TMEM132D: variants seen among roughly 807,000 people sequenced by gnomAD.
The protein encoded by TMEM132D is mature OL transmembrane protein.
A neutral mutation model predicts 62.3 loss-of-function variants in TMEM132D; 21 were observed. That is an observed-to-expected ratio of 0.34 (90% CI 0.24 to 0.49). TMEM132D has a LOEUF of 0.49. Among genes scored for constraint, TMEM132D ranks in the 20% least tolerant of loss-of-function variants. The pLI, the probability that TMEM132D is intolerant of heterozygous loss-of-function variation, is 0.99. For missense variants in TMEM132D, 1,346 were observed against 1,402.8 expected, an observed-to-expected ratio of 0.96 and a Z score of 0.65; for synonymous variants, 621 against 575.6, an observed-to-expected ratio of 1.08 and a Z score of -1.13.
At chr12:129,603,368 CA>C (rs1348919888) in intron 2 of TMEM132D, among the ~76,000 whole-genome samples, 2 of 152,176 alleles carry the variant, frequency 1.3e-5, no homozygotes, top group Non-Finnish European at 2.9e-5. Context: ...TTGTCTTTTG[CA>C]AAATGTTCTA....
intron 2 of TMEM132D, among the ~76,000 whole-genome samples, chr12:129,678,056 T>G (rs1416677131): frequency 6.6e-6 from 1 of 152,200 alleles, no homozygotes; most frequent in African/African-American, 2.4e-5. Flanking sequence ...TGTCAAAATT[T>G]ATTTATCCAG....
chr12:129,081,030 G>T (rs1376721649), intron 7 of TMEM132D, among the ~76,000 whole-genome samples: 1 of 152,160 alleles, frequency 6.6e-6, no homozygotes, highest in Non-Finnish European at 1.5e-5. Context: ...CTCGGTAGGG[G>T]CGGCCACAAT....
intron 3 of TMEM132D, among the ~76,000 whole-genome samples, chr12:129,460,080 G>T (rs1363805102): frequency 1.3e-5 from 2 of 152,174 alleles, no homozygotes; most frequent in Non-Finnish European, 2.9e-5. Context: ...TTTGGCAGCA[G>T]ACAGAGCCAC....
intron 1 of TMEM132D, among the ~76,000 whole-genome samples, chr12:129,881,775 T>C (rs1190402012): frequency 6.6e-6 from 1 of 151,280 alleles, no homozygotes; most frequent in Non-Finnish European, 1.5e-5. Context: ...AAAGAAAAAA[T>C]AGTATTAGAG....
intron 4 of TMEM132D, among the ~76,000 whole-genome samples, chr12:129,237,547 T>G (rs1879818618): frequency 6.6e-6 from 1 of 152,196 alleles, no homozygotes; most frequent in African/African-American, 2.4e-5. Context: ...TTTCCCAGAT[T>G]TCTTTCTGTT....
At chr12:129,587,091 C>T (rs1045265671) in intron 2 of TMEM132D, among the ~76,000 whole-genome samples, 4 of 152,078 alleles carry the variant, frequency 2.6e-5, no homozygotes, top group African/African-American at 7.2e-5. Flanking sequence ...TAGAGCAAAA[C>T]ATATCACTAC....
At chr12:129,751,693 C>G (rs1168564803) in intron 1 of TMEM132D, among the ~76,000 whole-genome samples, 1 of 152,210 alleles carries the variant, frequency 6.6e-6, no homozygotes, top group African/African-American at 2.4e-5. Context: ...CAAAGAAGTG[C>G]ATTTTTTTGG....
chr12:129,508,844 C>T (rs2137072558), intron 3 of TMEM132D, among the ~76,000 whole-genome samples: 1 of 152,220 alleles, frequency 6.6e-6, no homozygotes, highest in South Asian at 2.1e-4. Flanking sequence ...ATTTCTCCTA[C>T]GTAGGGAACT....
At chr12:129,302,833 C>T (rs139148363) in intron 4 of TMEM132D, among the ~76,000 whole-genome samples, 2,351 of 152,158 alleles carry the variant, frequency 0.015, 32 homozygotes, top group Middle Eastern at 0.051. Flanking sequence ...AGCCTCCACC[C>T]ATGTGAGACC....
At chr12:129,516,345 C>T (rs1014395584) in intron 3 of TMEM132D, among the ~76,000 whole-genome samples, 3 of 152,192 alleles carry the variant, frequency 2.0e-5, no homozygotes, top group African/African-American at 7.2e-5. Flanking sequence ...ATGTATTAGT[C>T]TGTTTTCATG....
In TMEM132D at chr12:129,385,085, C is replaced by CTT. The variant is rs869098367; in HGVS notation, c.1116-47270_1116-47269dup. 8.5e-3 allele frequency among the ~76,000 whole-genome samples: 738 copies of CTT among 86,880 alleles called. 82 individuals are homozygous for CTT. The highest frequency in any genetic ancestry group is 0.033 in the African/African-American group (702 of 20,970). The allele number at this position is 86,880 out of a possible 152,430, so 57.0% of individuals were successfully genotyped here. A position where few individuals can be genotyped will look rare whatever the true frequency, so the allele number is the denominator to read the frequency against. The stretch of plus-strand genomic sequence containing the variant: ...ATGAGCATTTTACACTGTTAAAGTT[C>CTT]TTTTTTTTTTTTTTTTTTTTTTTTT... On this transcript the variant is annotated intron_variant, in intron 3 of 8. Transcript: ENST00000422113.
At chr12:129,501,871 G>C (rs961267115) in intron 3 of TMEM132D, among the ~76,000 whole-genome samples, 7 of 152,060 alleles carry the variant, frequency 4.6e-5, no homozygotes, top group African/African-American at 1.7e-4. Context: ...TCACTATCTT[G>C]GGTGTCATCA....
intron 5 of TMEM132D, among the ~76,000 whole-genome samples, chr12:129,191,033 C>A (rs775130640): frequency 6.6e-6 from 1 of 152,076 alleles, no homozygotes; most frequent in Non-Finnish European, 1.5e-5. Flanking sequence ...ACGCCCCCTC[C>A]GGGTCACTGC....
chr12:129,238,420 C>T, intron 4 of TMEM132D, among the ~76,000 whole-genome samples: 1 of 152,136 alleles, frequency 6.6e-6, no homozygotes, highest in East Asian at 1.9e-4. Flanking sequence ...GTTGTGTAAC[C>T]TATCTTTAGA....
At chr12:129,628,423 C>G (rs1879275354) in intron 2 of TMEM132D, among the ~76,000 whole-genome samples, 1 of 152,178 alleles carries the variant, frequency 6.6e-6, no homozygotes, top group Non-Finnish European at 1.5e-5. Flanking sequence ...GATGTCTCGG[C>G]AGGGGCGGAG....
chr12:129,523,439 A>G (rs1566097493), intron 3 of TMEM132D, among the ~76,000 whole-genome samples: 1 of 152,192 alleles, frequency 6.6e-6, no homozygotes, highest in South Asian at 2.1e-4. Context: ...CTATTAGGTT[A>G]TTATTTATGC....
At chr12:129,297,826 C>T (rs577205320) in intron 4 of TMEM132D, among the ~76,000 whole-genome samples, 7 of 152,264 alleles carry the variant, frequency 4.6e-5, no homozygotes, top group African/African-American at 1.7e-4. Context: ...GCTGGGGACG[C>T]TGCTCTCCCC....
chr12:129,474,499 G>A (rs80300651), intron 3 of TMEM132D, among the ~76,000 whole-genome samples: 1,813 of 152,246 alleles, frequency 0.012, 33 homozygotes, highest in African/African-American at 0.04. Flanking sequence ...TCACAACATC[G>A]CAGTCTGCAG....
chr12:129,109,613 A>T (rs1404343111), intron 5 of TMEM132D: 1 of 152,534 alleles, frequency 6.6e-6, no homozygotes, highest in Non-Finnish European at 1.5e-5. Context: ...TAGTCTCGTG[A>T]TAGTGAATAA....
Sources: gnomAD v4.1 joint callset for allele counts (sites outside exome capture counted in the v4.1 genomes callset) on GRCh38, gnomAD v4.1.1 for gene constraint, MANE v1.5 for transcripts, NCBI Gene and HGNC (gene_info 2026-07-23, HGNC 2026-07-21) for gene names.